The following ELF4 variants were observed in gnomAD, a reference collection of about 807,000 sequenced individuals.
ELF4 encodes the protein ETS-related transcription factor Elf-4.
A neutral mutation model predicts 31.7 loss-of-function variants in ELF4; 10 were observed. The observed-to-expected ratio is 0.32, with a 90% CI of 0.19 to 0.54. The LOEUF is 0.54. Among genes scored for constraint, ELF4 ranks in the 20% least tolerant of loss-of-function variants. The probability of loss-of-function intolerance (pLI) is 0.95; values close to 1 mark genes in which losing one functional copy is unlikely to be tolerated. For missense variants in ELF4, 418 were observed against 522.0 expected (o/e 0.80, Z 1.94); for synonymous variants, 208 against 226.7 (o/e 0.92, Z 0.74).
At chrX:130,075,104 G>A (rs1301987412) in intron 2 of ELF4, among the ~76,000 whole-genome samples, 1 of 110,246 alleles carries the variant, frequency 9.1e-6, no homozygotes, top group Non-Finnish European at 1.9e-5. Context: ...CAGTAGTTGG[G>A]ATTACAGGTG....
At chrX:130,107,631 A>G (rs775177457) in intron 1 of ELF4, among the ~76,000 whole-genome samples, 1 of 112,377 alleles carries the variant, frequency 8.9e-6, no homozygotes, top group Non-Finnish European at 1.9e-5. Flanking sequence ...CTGCCACTTC[A>G]TTGGGGTCTG....
chrX:130,087,877 T>TGGCGGGATGAAATGAAGGC (rs1932986558), intron 1 of ELF4, among the ~76,000 whole-genome samples: 1 of 111,484 alleles, frequency 9.0e-6, no homozygotes, highest in African/African-American at 3.3e-5. Flanking sequence ...GAAATGGAGG[T>TGGCGGGATGAAATGAAGGC]GGCGGGATGA....
intron 1 of ELF4, among the ~76,000 whole-genome samples, chrX:130,089,383 C>G (rs1278272032): frequency 9.4e-6 from 1 of 106,313 alleles, no homozygotes; most frequent in African/African-American, 3.4e-5. Context: ...GTGGCACACG[C>G]CTGTAGTCCC....
At chrX:130,079,373 G>A (rs775552024) in intron 2 of ELF4, among the ~76,000 whole-genome samples, 15 of 111,361 alleles carry the variant, frequency 1.3e-4, no homozygotes, top group Non-Finnish European at 2.6e-4. Flanking sequence ...CACAAGAATC[G>A]CTTGAACCCA....
intron 7 of ELF4, 28 bp downstream of exon 7, chrX:130,071,012 G>A (rs1411198510): frequency 8.3e-7 from 1 of 1,209,780 alleles, no homozygotes; most frequent in Non-Finnish European, 1.1e-6. Flanking sequence ...CCAGGGCAGG[G>A]GTTCTGCATC....
Position 130,071,021 on chromosome X carries a change from T to A in ELF4, c.809+19A>T. 8.3e-7 allele frequency: 1 copy of A among 1,211,407 alleles called. No individual in the cohort carries two copies. Among genetic ancestry groups the A allele is most frequent in the South Asian group, 1.8e-5 (1 of 56,986 alleles). Reference sequence around the variant, plus strand: ...TGATCCCCAGGGCAGGGGTTCTGCATCATCCCAACAGCTCCTACCTTAGTG... The same window carrying A: ...TGATCCCCAGGGCAGGGGTTCTGCAACATCCCAACAGCTCCTACCTTAGTG... On this transcript the variant is annotated intron_variant, in intron 7 of 8. Transcript: ENST00000308167.
intron 2 of ELF4, among the ~76,000 whole-genome samples, chrX:130,079,487 CAA>C (rs1169110981): frequency 1.8e-5 from 2 of 110,865 alleles, no homozygotes; most frequent in African/African-American, 3.3e-5. Flanking sequence ...ATAAAAGATA[CAA>C]GAGAGAGGAA....
chrX:130,082,829 A>C (rs1932904599), intron 1 of ELF4, among the ~76,000 whole-genome samples: 1 of 111,393 alleles, frequency 9.0e-6, no homozygotes, highest in Non-Finnish European at 1.9e-5. Context: ...GAGTGTGTGG[A>C]TGTGCGTGTG....
At chrX:130,099,539 A>AC (rs1933209494) in intron 1 of ELF4, among the ~76,000 whole-genome samples, 1 of 111,263 alleles carries the variant, frequency 9.0e-6, no homozygotes, top group South Asian at 3.9e-4. Flanking sequence ...ACGCCACTGC[A>AC]CTCTAGCCTG....
chrX:130,082,977 AAG>A (rs1286933627), intron 1 of ELF4, among the ~76,000 whole-genome samples: 4 of 110,063 alleles, frequency 3.6e-5, no homozygotes, highest in African/African-American at 9.9e-5. Flanking sequence ...AAGGGGAGGA[AAG>A]GGAGGGGGAC....
At chrX:130,078,762 TACACACACACACACACACAC>T (rs530565075) in intron 2 of ELF4, among the ~76,000 whole-genome samples, 2 of 84,886 alleles carry the variant, frequency 2.4e-5, no homozygotes, top group African/African-American at 4.6e-5. Context: ...TCTCTCTCTC[TACACACACACACACACACAC>T]ACACACACAC....
rs767223974 is a variant in ELF4, at chrX:130,093,714, G to A, written c.-209-12175C>T. ...CTCTAGAAGCCTTGCTGCCTGGTTCGGGGGCCTCGTGGTGGATGGACACAA... is the reference window on the plus strand; with the variant it reads ...CTCTAGAAGCCTTGCTGCCTGGTTCAGGGGCCTCGTGGTGGATGGACACAA... On this transcript the variant is annotated intron_variant, in intron 1 of 8. Transcript: ENST00000308167. 6.2e-5 allele frequency among the ~76,000 whole-genome samples: 7 copies of A among 112,123 alleles called. No individual in the cohort carries two copies. In the East Asian group the frequency reaches 1.1e-3, roughly 18 times the overall value.
upstream of ELF4, chrX:130,110,578 T>TCCCCGCCCGCCTGC (rs1438584051): frequency 2.8e-5 from 3 of 107,808 alleles, no homozygotes; most frequent in African/African-American, 1.0e-4. Context: ...CCGCCCTTCT[T>TCCCCGCCCGCCTGC]CCCCGCCCGC....
At chrX:130,106,440 C>T (rs928536118) in intron 1 of ELF4, among the ~76,000 whole-genome samples, 1 of 111,590 alleles carries the variant, frequency 9.0e-6, no homozygotes, top group Non-Finnish European at 1.9e-5. Flanking sequence ...ACTCAGCAGC[C>T]CCTATGAGGT....
At position 130,081,422 on chromosome X, in the gene ELF4, G is replaced by A; in HGVS notation, c.-92C>T. The A allele has an allele frequency of 4.4e-6, 4 of 903,337 alleles. No homozygotes were observed. Among genetic ancestry groups the A allele is most frequent in the African/African-American group, 1.9e-5 (1 of 51,861 alleles). The allele number at this position is 903,337 out of a possible 1,213,427, so 74.4% of individuals were successfully genotyped here. On this transcript the variant is annotated 5_prime_UTR_variant, in exon 2 of 9. Transcript: ENST00000308167. ...GAAGGGACAATACCCAGGTACTTTG[G>A]AGCCTAGAGCCTACCCCCTGAGCTG...
At chrX:130,090,741 A>T (rs1449870070) in intron 1 of ELF4, among the ~76,000 whole-genome samples, 2 of 112,707 alleles carry the variant, frequency 1.8e-5, no homozygotes, top group East Asian at 5.6e-4. Flanking sequence ...CCATGAGCTA[A>T]GAATGGGTTT....
chrX:130,069,755 T>C (rs1932763841), intron 7 of ELF4, 78 bp from the exon 8 acceptor site: 2 of 1,184,227 alleles, frequency 1.7e-6, no homozygotes, highest in Non-Finnish European at 2.3e-6. Context: ...TCCCCAGTGC[T>C]CCTCCCCGAG....
intron 2 of ELF4, among the ~76,000 whole-genome samples, chrX:130,078,758 TCTCTAC>T (rs1430910622): frequency 1.1e-4 from 9 of 84,507 alleles, no homozygotes; most frequent in African/African-American, 4.2e-4. Context: ...ACTCTCTCTC[TCTCTAC>T]ACACACACAC....
intron 1 of ELF4, among the ~76,000 whole-genome samples, chrX:130,100,126 G>A (rs1175270633): frequency 9.0e-6 from 1 of 111,548 alleles, no homozygotes; most frequent in Non-Finnish European, 1.9e-5. Context: ...CCCCATACCT[G>A]TGGGTTCTGT....
Sources: gnomAD v4.1 joint callset for allele counts (sites outside exome capture counted in the v4.1 genomes callset) on GRCh38, gnomAD v4.1.1 for gene constraint, MANE v1.5 for transcripts, NCBI Gene and HGNC (gene_info 2026-07-23, HGNC 2026-07-21) for gene names.